Variants in ST6GALNAC3 observed in about 807,000 individuals in gnomAD.
The protein encoded by ST6GALNAC3 is alpha-N-acetylgalactosaminide alpha-2,6-sialyltransferase 3.
A neutral mutation model predicts 32.7 loss-of-function variants in ST6GALNAC3; 25 were observed. That is an observed-to-expected ratio of 0.76 (90% CI 0.56 to 1.07). The LOEUF (loss-of-function observed/expected upper bound fraction) is 1.07, where lower values mean the gene tolerates loss of function less well. Ranked by LOEUF, ST6GALNAC3 falls within the 50% of genes least tolerant of loss-of-function variation. The pLI is 0.00. For missense variants in ST6GALNAC3, 355 were observed against 382.4 expected (o/e 0.93, Z 0.60); for synonymous variants, 129 against 133.1 (o/e 0.97, Z 0.21).
chr1:76,635,483 T>A (rs190959226), downstream of ST6GALNAC3, among the ~76,000 whole-genome samples: 1 of 152,164 alleles, frequency 6.6e-6, no homozygotes, highest in East Asian at 1.9e-4. Context: ...ATAAGGAAAT[T>A]GAAGCACTAG....
At chr1:76,500,508 T>C (rs950844680) in intron 3 of ST6GALNAC3, among the ~76,000 whole-genome samples, 1 of 152,220 alleles carries the variant, frequency 6.6e-6, no homozygotes, top group Non-Finnish European at 1.5e-5. Flanking sequence ...AAATAATCTT[T>C]GAAAGGCTTG....
chr1:76,146,744 G>A (rs957323324), intron 1 of ST6GALNAC3, among the ~76,000 whole-genome samples: 1 of 152,170 alleles, frequency 6.6e-6, no homozygotes, highest in Non-Finnish European at 1.5e-5. Context: ...TATTAATTTA[G>A]ACAGTTAAAT....
intron 2 of ST6GALNAC3, among the ~76,000 whole-genome samples, chr1:76,359,457 C>G (rs1030998692): frequency 3.9e-5 from 6 of 152,172 alleles, no homozygotes; most frequent in Admixed American, 3.9e-4. Flanking sequence ...AGGAAGAATG[C>G]TATGTGAAGA....
chr1:76,312,047 T>C (rs772750804), intron 1 of ST6GALNAC3, among the ~76,000 whole-genome samples: 3 of 152,216 alleles, frequency 2.0e-5, no homozygotes, highest in Non-Finnish European at 4.4e-5. Flanking sequence ...ATGACCTTTT[T>C]TTCATATGTT....
chr1:76,376,844 C>G (rs1651275407), intron 2 of ST6GALNAC3, among the ~76,000 whole-genome samples: 1 of 152,080 alleles, frequency 6.6e-6, no homozygotes, highest in Non-Finnish European at 1.5e-5. Flanking sequence ...CTCCGGGTTA[C>G]TTGAACATTT....
chr1:76,437,699 T>G (rs1571226124), intron 3 of ST6GALNAC3, among the ~76,000 whole-genome samples: 2 of 151,664 alleles, frequency 1.3e-5, no homozygotes, highest in Non-Finnish European at 2.9e-5. Flanking sequence ...TGCCTCAGCC[T>G]CCTGAGTAGC....
intron 1 of ST6GALNAC3, among the ~76,000 whole-genome samples, chr1:76,153,219 A>G (rs1487923531): frequency 2.0e-5 from 3 of 152,126 alleles, no homozygotes; most frequent in Non-Finnish European, 2.9e-5. Flanking sequence ...TTTGGATGCC[A>G]TTGTGAATTT....
chr1:76,327,028 A>G (rs1647086977), intron 2 of ST6GALNAC3, among the ~76,000 whole-genome samples: 1 of 152,114 alleles, frequency 6.6e-6, no homozygotes, highest in Admixed American at 6.5e-5. Flanking sequence ...TCTTTACCAT[A>G]TTAAGGAAGA....
At chr1:76,165,371 A>G (rs566026201) in intron 1 of ST6GALNAC3, among the ~76,000 whole-genome samples, 63 of 152,308 alleles carry the variant, frequency 4.1e-4, no homozygotes, top group African/African-American at 1.5e-3. Flanking sequence ...ATGGTTGCAT[A>G]GTATTCCGTG....
intron 1 of ST6GALNAC3, among the ~76,000 whole-genome samples, chr1:76,226,193 G>A (rs146712764): frequency 6.6e-6 from 1 of 152,300 alleles, no homozygotes; most frequent in African/African-American, 2.4e-5. Flanking sequence ...TAGAGGGTGT[G>A]AAATATTGAA....
intron 2 of ST6GALNAC3, among the ~76,000 whole-genome samples, chr1:76,360,669 T>G (rs1047859883): frequency 6.6e-6 from 1 of 152,250 alleles, no homozygotes; most frequent in African/African-American, 2.4e-5. Flanking sequence ...GATTATATTA[T>G]GCATTAATTT....
intron 2 of ST6GALNAC3, among the ~76,000 whole-genome samples, chr1:76,372,157 C>T (rs1362883769): frequency 6.6e-6 from 1 of 152,078 alleles, no homozygotes; most frequent in African/African-American, 2.4e-5. Flanking sequence ...TGTACTTTGG[C>T]ACCAGGAAGC....
intron 1 of ST6GALNAC3, among the ~76,000 whole-genome samples, chr1:76,112,971 G>T (rs534698204): frequency 3.3e-5 from 5 of 152,166 alleles, no homozygotes; most frequent in South Asian, 2.1e-4. Context: ...CGGCACTTTG[G>T]GGGGCCAAGG....
intron 1 of ST6GALNAC3, among the ~76,000 whole-genome samples, chr1:76,107,041 G>T (rs543268427): frequency 6.6e-6 from 1 of 152,296 alleles, no homozygotes; most frequent in South Asian, 2.1e-4. Context: ...TCAGTCATGA[G>T]TTTATGGAAA....
At chr1:76,492,592 A>AC in intron 3 of ST6GALNAC3, among the ~76,000 whole-genome samples, 1 of 152,118 alleles carries the variant, frequency 6.6e-6, no homozygotes, top group Admixed American at 6.6e-5. Flanking sequence ...CCACCCGCCA[A>AC]CCCCCATGTT....
rs1251635742 is a variant in ST6GALNAC3 at position 76,181,684 on chromosome 1, A to G, written c.18+106800A>G. ...GTTATGTGCAAATATTGTGAAGAAC[A>G]TGCATGCAAGTAGTTTGCTTATTAA... is the stretch of plus-strand genomic sequence containing the variant. On this transcript the variant is annotated intron_variant, in intron 1 of 4. Coordinates refer to ENST00000328299, the MANE Select transcript of ST6GALNAC3 (RefSeq NM_152996.4). 3.9e-5 allele frequency among the ~76,000 whole-genome samples: 6 copies of G among 152,340 alleles called. No homozygotes were observed. The South Asian group carries it at 8.3e-4, about 21-fold the overall frequency.
At chr1:76,327,853 GTGT>G (rs1557790887) in intron 2 of ST6GALNAC3, among the ~76,000 whole-genome samples, 1 of 152,098 alleles carries the variant, frequency 6.6e-6, no homozygotes, top group Non-Finnish European at 1.5e-5. Context: ...GCCTCTCAAA[GTGT>G]TGGGATTACA....
intron 3 of ST6GALNAC3, among the ~76,000 whole-genome samples, chr1:76,476,601 G>A (rs958963076): frequency 6.6e-6 from 1 of 152,142 alleles, no homozygotes; most frequent in African/African-American, 2.4e-5. Context: ...AGTGCAATGA[G>A]GTTAGGTATG....
intron 3 of ST6GALNAC3, among the ~76,000 whole-genome samples, chr1:76,601,774 A>G (rs1259189808): frequency 6.6e-6 from 1 of 152,212 alleles, no homozygotes; most frequent in Non-Finnish European, 1.5e-5. Context: ...AGCCTTTTGC[A>G]CTGGAATGAG....
Sources: gnomAD v4.1 joint callset for allele counts (sites outside exome capture counted in the v4.1 genomes callset) on GRCh38, gnomAD v4.1.1 for gene constraint, MANE v1.5 for transcripts, NCBI Gene and HGNC (gene_info 2026-07-23, HGNC 2026-07-21) for gene names.